Variants in CACNA1C observed in about 807,000 individuals in gnomAD.
CACNA1C encodes the protein voltage-dependent L-type calcium channel subunit alpha-1C.
A neutral mutation model predicts 229.0 loss-of-function variants in CACNA1C; 30 were observed. The ratio of observed to expected loss-of-function variants is 0.13; its 90% confidence interval spans 0.10 to 0.18. CACNA1C has a LOEUF of 0.18. Ranked by LOEUF, CACNA1C falls within the 10% of genes least tolerant of loss-of-function variation. The pLI is 1.00. For synonymous variants in CACNA1C, 1,114 were observed against 1,132.5 expected (o/e 0.98, Z 0.33); for missense variants, 1,658 against 2,845.0 (o/e 0.58, Z 9.49).
intron 3 of CACNA1C, among the ~76,000 whole-genome samples, chr12:2,326,848 A>G (rs2096320746): frequency 6.6e-6 from 1 of 152,236 alleles, no homozygotes. Flanking sequence ...ATCTGGTTCA[A>G]TTGTCCTTAA....
rs989100321 is a variant in CACNA1C, at chr12:2,181,510, G to C, written c.477+61080G>C. ...AACTCAGTTGCTGAAAGGCGTAATAGGGGAGCGCAGATTTGAGGGTCATGC... is the reference window on the plus strand; with the variant it reads ...AACTCAGTTGCTGAAAGGCGTAATACGGGAGCGCAGATTTGAGGGTCATGC... On this transcript the variant is annotated intron_variant, in intron 3 of 46. Coordinates refer to ENST00000399655, the MANE Select transcript of CACNA1C (RefSeq NM_000719.7). This position sits in a 1 kb window ranked among gnomAD's most constrained non-coding sequence, Gnocchi z 4.0. 3.3e-5 allele frequency among the ~76,000 whole-genome samples: 5 copies of C among 152,134 alleles called. No individual in the cohort carries two copies. Among genetic ancestry groups the C allele is most frequent in the African/African-American group, 9.7e-5 (4 of 41,428 alleles).
chr12:2,032,101 C>T (rs1422216459), intron 1 of CACNA1C, among the ~76,000 whole-genome samples: 1 of 151,910 alleles, frequency 6.6e-6, no homozygotes, highest in Non-Finnish European at 1.5e-5. Context: ...AGGGGTGGCT[C>T]ACACGTGAGT....
chr12:2,648,809 C>T (rs2094606476), intron 31 of CACNA1C, among the ~76,000 whole-genome samples: 1 of 152,134 alleles, frequency 6.6e-6, no homozygotes, highest in Admixed American at 6.5e-5. Flanking sequence ...CTGTTAAACA[C>T]CCTGAGGACT....
intron 1 of CACNA1C, chr12:1,991,567 T>C (rs2039430573): frequency 4.1e-6 from 1 of 246,096 alleles, no homozygotes; most frequent in African/African-American, 2.3e-5. Context: ...TTTTGCACTG[T>C]CTGACAGTTG....
At chr12:2,415,992 C>G (rs1305945491) in intron 3 of CACNA1C, among the ~76,000 whole-genome samples, 1 of 152,120 alleles carries the variant, frequency 6.6e-6, no homozygotes, top group Non-Finnish European at 1.5e-5. Context: ...TCTGTCCTCT[C>G]AGAGGAGCCC....
rs2154216973 is a variant in CACNA1C, at chr12:2,152,269, G to A, written c.477+31839G>A. Reference sequence around the variant, plus strand: ...TTCATAGGGATAGAATTTTCAGCTGGGCACATGACTGCTTAGAATGAAGAA... The same window carrying A: ...TTCATAGGGATAGAATTTTCAGCTGAGCACATGACTGCTTAGAATGAAGAA... On this transcript the variant is annotated intron_variant, in intron 3 of 46. Coordinates refer to ENST00000399655, the MANE Select transcript of CACNA1C (RefSeq NM_000719.7). The surrounding 1 kb of genome is among the most constrained non-coding windows in gnomAD (Gnocchi z 4.2). 6.6e-6 allele frequency among the ~76,000 whole-genome samples: 1 copy of A among 152,300 alleles called. No individual in the cohort carries two copies. Among genetic ancestry groups the A allele is most frequent in the Non-Finnish European group, 1.5e-5 (1 of 68,036 alleles).
At chr12:2,002,684 T>C (rs2042439256) in intron 1 of CACNA1C, among the ~76,000 whole-genome samples, 1 of 152,236 alleles carries the variant, frequency 6.6e-6, no homozygotes, top group African/African-American at 2.4e-5. Flanking sequence ...CGAATCCCAG[T>C]GTCAAGTCAA....
intron 3 of CACNA1C, among the ~76,000 whole-genome samples, chr12:2,300,489 G>T (rs1221352098): frequency 6.6e-6 from 1 of 152,130 alleles, no homozygotes; most frequent in Non-Finnish European, 1.5e-5. Flanking sequence ...AGCTGGGCGT[G>T]GTGGCATGCA....
chr12:1,986,034 C>T (rs931523768), intron 1 of CACNA1C, among the ~76,000 whole-genome samples: 4 of 152,142 alleles, frequency 2.6e-5, no homozygotes, highest in African/African-American at 4.8e-5. Context: ...AGGATGGTCT[C>T]GATCTCCTGA....
chr12:2,476,013 A>T (rs187167463), intron 5 of CACNA1C, among the ~76,000 whole-genome samples: 2 of 152,348 alleles, frequency 1.3e-5, no homozygotes. Flanking sequence ...CCAAAAAAAG[A>T]TGTAAGAAGA....
chr12:2,019,539 AAGGAAGG>A, intron 1 of CACNA1C, among the ~76,000 whole-genome samples: 1 of 150,250 alleles, frequency 6.7e-6, no homozygotes, highest in Non-Finnish European at 1.5e-5. Context: ...AAAAGAAAGG[AAGGAAGG>A]AAAGAAGGAA....
chr12:2,294,506 G>T (rs1056027024), intron 3 of CACNA1C, among the ~76,000 whole-genome samples: 1 of 152,036 alleles, frequency 6.6e-6, no homozygotes, highest in Non-Finnish European at 1.5e-5. Flanking sequence ...GAGAGTGAGG[G>T]GCGGGGGAGG....
chr12:2,504,455 A>T lies in CACNA1C; in HGVS notation c.1114-387A>T. ...TTCCAGATGCAGGACGCTATGGGCTATGAGTTACCCTGGGTGTATTTTGTC... is the reference window on the plus strand; with the variant it reads ...TTCCAGATGCAGGACGCTATGGGCTTTGAGTTACCCTGGGTGTATTTTGTC... On this transcript the variant is annotated intron_variant, in intron 7 of 46. Transcript: ENST00000399655. This position sits in a 1 kb window ranked among gnomAD's most constrained non-coding sequence, Gnocchi z 6.8. 1 of 1,604,874 alleles carries T rather than the reference A, an allele frequency of 6.2e-7. No individual in the cohort carries two copies.
chr12:2,507,649 G>A (rs897178487), intron 8 of CACNA1C, among the ~76,000 whole-genome samples: 12 of 152,330 alleles, frequency 7.9e-5, no homozygotes, highest in East Asian at 5.8e-4. Flanking sequence ...GTCAGGCTCC[G>A]TGCTCGGCGT....
intron 11 of CACNA1C, among the ~76,000 whole-genome samples, chr12:2,561,089 C>G (rs1568428363): frequency 1.3e-5 from 2 of 152,176 alleles, no homozygotes; most frequent in Non-Finnish European, 2.9e-5. Context: ...TAGAGTTCGT[C>G]TCTGCTGCTC....
chr12:2,258,019 G>A (rs781471393), intron 3 of CACNA1C, among the ~76,000 whole-genome samples: 3 of 152,228 alleles, frequency 2.0e-5, no homozygotes, highest in Non-Finnish European at 2.9e-5. Flanking sequence ...GTAGGCAGAG[G>A]TTTGAGAACC....
chr12:2,043,665 T>TTC (rs2050552420), intron 1 of CACNA1C, among the ~76,000 whole-genome samples: 1 of 136,528 alleles, frequency 7.3e-6, no homozygotes, highest in Non-Finnish European at 1.6e-5. Flanking sequence ...TTTTTTTTTT[T>TTC]TGAGACAGAG....
rs567069392 is a variant in CACNA1C at position 2,154,220 on chromosome 12, C to T, written c.477+33790C>T. The stretch of plus-strand genomic sequence containing the variant: ...CCCAGTGACAGGCCCTACTTAAAAA[C>T]AAACAACGAAGAAATCCTACATCCC... On this transcript the variant is annotated intron_variant, in intron 3 of 46. Transcript: ENST00000399655. 5.9e-5 allele frequency among the ~76,000 whole-genome samples: 9 copies of T among 152,296 alleles called. No individual in the cohort carries two copies. In the South Asian group the frequency reaches 1.9e-3, roughly 32 times the overall value.
At chr12:2,129,268 A>G (rs1295469846) in intron 3 of CACNA1C, among the ~76,000 whole-genome samples, 1 of 152,236 alleles carries the variant, frequency 6.6e-6, no homozygotes, top group East Asian at 1.9e-4. Flanking sequence ...GCATTTCAAA[A>G]TAGATGGCAG....
Sources: allele counts gnomAD v4.1 joint callset (sites outside exome capture counted in the v4.1 genomes callset), GRCh38; gene constraint gnomAD v4.1.1; non-coding constraint Gnocchi (gnomAD v3.1); transcripts MANE v1.5; gene names NCBI Gene and HGNC (gene_info 2026-07-23, HGNC 2026-07-21).